Variants in KIRREL3 observed in about 807,000 individuals in gnomAD.
The protein encoded by KIRREL3 is kin of IRRE-like protein 3.
Under a neutral mutation model 89.7 loss-of-function variants are expected in KIRREL3, and 36 were observed. That is an observed-to-expected ratio of 0.40 (90% CI 0.31 to 0.53). KIRREL3 has a LOEUF of 0.53. Among genes scored for constraint, KIRREL3 ranks in the 20% least tolerant of loss-of-function variants. The probability of loss-of-function intolerance (pLI) is 0.49; values close to 1 mark genes in which losing one functional copy is unlikely to be tolerated. For missense variants in KIRREL3, 864 were observed against 1,056.6 expected (o/e 0.82, Z 2.53); for synonymous variants, 445 against 441.4 (o/e 1.01, Z -0.10).
At chr11:126,938,869 CAATT>C (rs151292055) in intron 1 of KIRREL3, among the ~76,000 whole-genome samples, 2,025 of 152,200 alleles carry the variant, frequency 0.013, 52 homozygotes, top group East Asian at 0.12. Context: ...GAGTGGGTAA[CAATT>C]AAAACACCAG....
Position 126,477,735 on chromosome 11 carries a change from C to A in KIRREL3, c.434-4269G>T, listed in dbSNP as rs1433136764. On this transcript the variant is annotated intron_variant, in intron 4 of 16. Coordinates refer to ENST00000525144, the MANE Select transcript of KIRREL3 (RefSeq NM_032531.4). The surrounding 1 kb of genome is among the most constrained non-coding windows in gnomAD (Gnocchi z 4.8). ...CTCCAGTGTCCACTTGGTCACCCAA[C>A]TGAGACCTGGCTGGGCTTCCAGGAA... 6.6e-6 allele frequency among the ~76,000 whole-genome samples: 1 copy of A among 152,158 alleles called. No homozygotes were observed. The highest frequency in any genetic ancestry group is 6.5e-5 in the Admixed American group (1 of 15,284).
rs1441147886 is a variant in KIRREL3 at position 126,970,570 on chromosome 11, C to G, written c.55+29885G>C. Among the ~76,000 whole-genome samples the G allele has an allele frequency of 6.6e-6, 1 of 152,186 alleles. No individual in the cohort carries two copies. Among genetic ancestry groups the G allele is most frequent in the Non-Finnish European group, 1.5e-5 (1 of 68,034 alleles). On this transcript the variant is annotated intron_variant, in intron 1 of 16. Coordinates refer to ENST00000525144, the MANE Select transcript of KIRREL3 (RefSeq NM_032531.4). This position sits in a 1 kb window ranked among gnomAD's most constrained non-coding sequence, Gnocchi z 4.4. ...CCAGTATATTGTCATCTAAGGAAAT[C>G]TGATTTTTATTAAGTATCAAATCAC...
intron 5 of KIRREL3, 49 bp downstream of exon 5, chr11:126,473,260 A>AC: frequency 2.3e-5 from 1 of 44,138 alleles, no homozygotes; most frequent in Admixed American, 4.4e-4. Context: ...CTCCCCACCC[A>AC]CTCCCCTTGA....
In KIRREL3 at chr11:126,682,098, C is replaced by G; in HGVS notation, c.56-119186G>C. 2.9e-6 allele frequency: 1 copy of G among 339,016 alleles called. No individual in the cohort carries two copies. The highest frequency in any genetic ancestry group is 5.8e-6 in the Non-Finnish European group (1 of 172,252). The allele number at this position is 339,016 out of a possible 1,614,324, so 21.0% of individuals were successfully genotyped here. ...GCAAAGCAATAAAATATTCCTCCCT[C>G]CTGTGACCACCGAAAAGGTCATATT... On this transcript the variant is annotated intron_variant, in intron 1 of 16. Transcript: ENST00000525144. This position sits in a 1 kb window ranked among gnomAD's most constrained non-coding sequence, Gnocchi z 4.8.
At chr11:126,889,861 C>A (rs143542619) in intron 1 of KIRREL3, among the ~76,000 whole-genome samples, 1 of 152,160 alleles carries the variant, frequency 6.6e-6, no homozygotes, top group African/African-American at 2.4e-5. Flanking sequence ...GTGGGAATCA[C>A]TTCATAAAAA....
rs1948917173 is a variant in KIRREL3, at chr11:126,739,732, A to G, written c.56-176820T>C. On this transcript the variant is annotated intron_variant, in intron 1 of 16. Coordinates refer to ENST00000525144, the MANE Select transcript of KIRREL3 (RefSeq NM_032531.4). The surrounding 1 kb of genome is among the most constrained non-coding windows in gnomAD (Gnocchi z 5.5). ...CTCTGGTCACTGGTGCAGATGATGG[A>G]AAACACCTAAAGGAGAACCGTAGCC... is the stretch of plus-strand genomic sequence containing the variant. Among the ~76,000 whole-genome samples the G allele has an allele frequency of 6.6e-6, 1 of 152,192 alleles. No homozygotes were observed. The highest frequency in any genetic ancestry group is 2.4e-5 in the African/African-American group (1 of 41,452).
At chr11:126,426,816 C>T (rs1954956784) in intron 15 of KIRREL3, among the ~76,000 whole-genome samples, 1 of 152,242 alleles carries the variant, frequency 6.6e-6, no homozygotes, top group East Asian at 1.9e-4. Flanking sequence ...CACCCGGCTG[C>T]CTCCTCACTA....
chr11:126,956,138 A>G (rs1330276517), intron 1 of KIRREL3, among the ~76,000 whole-genome samples: 4 of 152,076 alleles, frequency 2.6e-5, no homozygotes, highest in Non-Finnish European at 4.4e-5. Context: ...TCAGTCACTC[A>G]TCTCTCTTGT....
intron 1 of KIRREL3, among the ~76,000 whole-genome samples, chr11:126,584,712 G>A (rs1439547074): frequency 6.6e-6 from 1 of 152,102 alleles, no homozygotes; most frequent in African/African-American, 2.4e-5. Flanking sequence ...GTGTCGTTTA[G>A]ATCTGGGGCA....
rs879722921 is a variant in KIRREL3 at position 126,795,553 on chromosome 11, T to C, written c.55+204902A>G. ...CCTGGCTAATTTTTTTAAAATATAT[T>C]TTTAGTAGAGACGGGGTTTCTACTA... On this transcript the variant is annotated intron_variant, in intron 1 of 16. Transcript: ENST00000525144. The surrounding 1 kb of genome is among the most constrained non-coding windows in gnomAD (Gnocchi z 4.1). Among the ~76,000 whole-genome samples, 3 of 151,980 alleles carry C rather than the reference T, an allele frequency of 2.0e-5. No homozygotes were observed. Among genetic ancestry groups the C allele is most frequent in the Non-Finnish European group, 4.4e-5 (3 of 67,998 alleles).
chr11:126,887,089 A>G (rs1159194610), intron 1 of KIRREL3, among the ~76,000 whole-genome samples: 1 of 152,154 alleles, frequency 6.6e-6, no homozygotes, highest in East Asian at 1.9e-4. Flanking sequence ...CAGGAAAAGC[A>G]CAGGGGGACA....
chr11:126,674,551 C>T (rs891679294), intron 1 of KIRREL3, among the ~76,000 whole-genome samples: 4 of 152,226 alleles, frequency 2.6e-5, no homozygotes, highest in Non-Finnish European at 5.9e-5. Flanking sequence ...CAGTGCCCAT[C>T]TCCTTTCCTA....
chr11:126,995,020 G>A lies in KIRREL3; in HGVS notation c.55+5435C>T. ...TGGAACAGTACTGTGTCTCGGTGCA[G>A]TCGATTCTCACATCATTCCTCTAAC... On this transcript the variant is annotated intron_variant, in intron 1 of 16. Transcript: ENST00000525144. The surrounding 1 kb of genome is among the most constrained non-coding windows in gnomAD (Gnocchi z 6.5). 2.7e-6 allele frequency: 1 copy of A among 365,404 alleles called. No individual in the cohort carries two copies. The highest frequency in any genetic ancestry group is 5.4e-6 in the Non-Finnish European group (1 of 185,064). 22.6% of individuals were successfully genotyped at this position (365,404 alleles called of 1,614,324 possible). A position where few individuals can be genotyped will look rare whatever the true frequency, so the allele number is the denominator to read the frequency against.
intron 1 of KIRREL3, among the ~76,000 whole-genome samples, chr11:126,580,220 G>T (rs1434649957): frequency 1.3e-5 from 2 of 152,202 alleles, no homozygotes; most frequent in African/African-American, 4.8e-5. Flanking sequence ...ACTTGCTGGA[G>T]AGGCCAGTTA....
intron 4 of KIRREL3, among the ~76,000 whole-genome samples, chr11:126,510,233 C>T (rs927535323): frequency 6.6e-6 from 1 of 152,048 alleles, no homozygotes; most frequent in African/African-American, 2.4e-5. Flanking sequence ...TGACTTCACT[C>T]AGCTCCAGAA....
In KIRREL3 at chr11:126,632,559, C is replaced by A. The variant is rs77301838; in HGVS notation, c.56-69647G>T. On this transcript the variant is annotated intron_variant, in intron 1 of 16. Coordinates refer to ENST00000525144, the MANE Select transcript of KIRREL3 (RefSeq NM_032531.4). ...ATGTAACTTTATTACTTTTCCCACTCGTAAGTAATTGTGACTGACACATTG... is the reference window on the plus strand; with the variant it reads ...ATGTAACTTTATTACTTTTCCCACTAGTAAGTAATTGTGACTGACACATTG... Among the ~76,000 whole-genome samples the A allele has an allele frequency of 9.8e-5, 15 of 152,300 alleles. 1 individual carries two copies. In the East Asian group the frequency reaches 2.9e-3, roughly 29 times the overall value.
In KIRREL3 at chr11:126,671,813, C is replaced by T. The variant is rs1482688209; in HGVS notation, c.56-108901G>A. Among the ~76,000 whole-genome samples the T allele has an allele frequency of 2.6e-5, 4 of 152,308 alleles. No homozygotes were observed. The East Asian group carries it at 5.8e-4, about 22-fold the overall frequency. ...ATATGGAGCAACAGGAGCTCTCATTCATTGCTGCTGGGAATGCAAAGTGGT... is the reference window on the plus strand; with the variant it reads ...ATATGGAGCAACAGGAGCTCTCATTTATTGCTGCTGGGAATGCAAAGTGGT... On this transcript the variant is annotated intron_variant, in intron 1 of 16. Coordinates refer to ENST00000525144, the MANE Select transcript of KIRREL3 (RefSeq NM_032531.4).
chr11:126,961,427 T>C (rs1259042312), intron 1 of KIRREL3, among the ~76,000 whole-genome samples: 1 of 152,208 alleles, frequency 6.6e-6, no homozygotes, highest in Non-Finnish European at 1.5e-5. Context: ...TGGTGGTCTG[T>C]ATAGAAGATG....
At chr11:126,497,795 A>G (rs1408808019) in intron 4 of KIRREL3, among the ~76,000 whole-genome samples, 1 of 152,092 alleles carries the variant, frequency 6.6e-6, no homozygotes, top group East Asian at 1.9e-4. Flanking sequence ...TTGGGGAGGG[A>G]GGGGCCCCTA....
Sources: allele counts gnomAD v4.1 joint callset (sites outside exome capture counted in the v4.1 genomes callset), GRCh38; gene constraint gnomAD v4.1.1; non-coding constraint Gnocchi (gnomAD v3.1); transcripts MANE v1.5; gene names NCBI Gene and HGNC (gene_info 2026-07-23, HGNC 2026-07-21).